Variants in FAM135A observed in about 807,000 individuals in gnomAD.
FAM135A encodes protein FAM135A.
A neutral mutation model predicts 146.8 loss-of-function variants in FAM135A; 79 were observed. That is an observed-to-expected ratio of 0.54 (90% CI 0.45 to 0.65). The LOEUF is 0.65. FAM135A is among the 30% of genes least tolerant of loss of function. The pLI, the probability that FAM135A is intolerant of heterozygous loss-of-function variation, is 0.00. For missense variants in FAM135A, 1,623 were observed against 1,758.2 expected, an observed-to-expected ratio of 0.92 and a Z score of 1.38; for synonymous variants, 562 against 603.6, an observed-to-expected ratio of 0.93 and a Z score of 1.01.
At chr6:70,511,153 C>T (rs538115815) in intron 12 of FAM135A, among the ~76,000 whole-genome samples, 16 of 151,932 alleles carry the variant, frequency 1.1e-4, no homozygotes, top group African/African-American at 3.4e-4. Context: ...TGTTGAGTTT[C>T]AGTTATTTAT....
intron 16 of FAM135A, 24 bp downstream of exon 16, chr6:70,528,476 C>T (rs1388252181): frequency 6.6e-6 from 10 of 1,508,830 alleles, no homozygotes; most frequent in Admixed American, 2.3e-5. Context: ...ATGGATGTAA[C>T]CCAGAGCAAC....
Position 70,490,977 on chromosome 6 carries a change from T to A in FAM135A, c.824-57T>A, listed in dbSNP as rs542830982. The A allele has an allele frequency of 1.1e-4, 142 of 1,270,158 alleles. 1 individual carries two copies. The Middle Eastern group carries it at 1.3e-3, about 12-fold the overall frequency. The allele number at this position is 1,270,158 out of a possible 1,614,324, so 78.7% of individuals were successfully genotyped here. On this transcript the variant is annotated intron_variant, in intron 10 of 21. Transcript: ENST00000418814. ...TTTCAGTTTTTTATGGGAATTTTATTTATATAAATTAAATATCTAACATTG... is the reference window on the plus strand; with the variant it reads ...TTTCAGTTTTTTATGGGAATTTTATATATATAAATTAAATATCTAACATTG...
chr6:70,550,229 A>T (rs1001860127), intron 20 of FAM135A, among the ~76,000 whole-genome samples: 4 of 152,190 alleles, frequency 2.6e-5, no homozygotes, highest in African/African-American at 9.6e-5. Flanking sequence ...ACCTCCTCCC[A>T]TGAATCATGA....
intron 10 of FAM135A, among the ~76,000 whole-genome samples, chr6:70,485,654 C>G (rs887941466): frequency 6.6e-6 from 1 of 152,210 alleles, no homozygotes; most frequent in Non-Finnish European, 1.5e-5. Flanking sequence ...CTTGACTATG[C>G]TTTGAAAACT....
At position 70,431,823 on chromosome 6, in the gene FAM135A, A is replaced by T. The variant is rs142930842; in HGVS notation, c.77+3404A>T. On this transcript the variant is annotated intron_variant, in intron 4 of 21. Transcript: ENST00000418814. The stretch of plus-strand genomic sequence containing the variant: ...TTGCTTGCTTAAGTTGTATTCATGA[A>T]AAAAATGATTATTTGGAAACCATTA... 3.0e-3 allele frequency among the ~76,000 whole-genome samples: 458 copies of T among 152,296 alleles called. 3 individuals are homozygous for T. The highest frequency in any genetic ancestry group is 0.011 in the African/African-American group (437 of 41,568).
intron 4 of FAM135A, among the ~76,000 whole-genome samples, chr6:70,429,425 A>G (rs998759463): frequency 6.6e-6 from 1 of 152,086 alleles, no homozygotes; most frequent in African/African-American, 2.4e-5. Context: ...AGGCAGGAGA[A>G]TCGCTTGAAT....
chr6:70,469,877 T>C (rs981765177), intron 5 of FAM135A, among the ~76,000 whole-genome samples: 2 of 151,596 alleles, frequency 1.3e-5, no homozygotes, highest in African/African-American at 4.8e-5. Flanking sequence ...AAATAAAAAA[T>C]AAATTAGCTT....
intron 12 of FAM135A, among the ~76,000 whole-genome samples, chr6:70,510,119 A>C (rs1790655434): frequency 6.6e-6 from 1 of 152,070 alleles, no homozygotes; most frequent in Non-Finnish European, 1.5e-5. Flanking sequence ...TAGAACACTA[A>C]GTATGCTGCC....
At chr6:70,431,985 A>T (rs1168916288) in intron 4 of FAM135A, among the ~76,000 whole-genome samples, 1 of 152,062 alleles carries the variant, frequency 6.6e-6, no homozygotes, top group African/African-American at 2.4e-5. Flanking sequence ...TTCCAAGTAA[A>T]ACAGTGTTAC....
intron 5 of FAM135A, among the ~76,000 whole-genome samples, chr6:70,455,995 G>A (rs1778292973): frequency 6.6e-6 from 1 of 152,126 alleles, no homozygotes; most frequent in African/African-American, 2.4e-5. Flanking sequence ...GGGACTACAG[G>A]CGTGCATCAC....
At chr6:70,513,345 T>C (rs1791462178) in intron 12 of FAM135A, 1 of 151,550 alleles carries the variant, frequency 6.6e-6, no homozygotes, top group Non-Finnish European at 1.5e-5. Flanking sequence ...TGGTTTTTAT[T>C]GGAAAACCTT....
At chr6:70,538,819 T>G (rs1172021831) in intron 20 of FAM135A, among the ~76,000 whole-genome samples, 1 of 138,880 alleles carries the variant, frequency 7.2e-6, no homozygotes, top group Admixed American at 7.1e-5. Context: ...TATTATATTA[T>G]ATTATATTAT....
chr6:70,418,056 A>G (rs1204347264), intron 2 of FAM135A, among the ~76,000 whole-genome samples: 5 of 152,200 alleles, frequency 3.3e-5, no homozygotes. Context: ...TTCATGCAAT[A>G]TGGCATATGG....
intron 4 of FAM135A, among the ~76,000 whole-genome samples, chr6:70,440,066 G>A (rs1582114215): frequency 1.3e-5 from 2 of 152,080 alleles, no homozygotes; most frequent in African/African-American, 4.8e-5. Context: ...TTAATTATTT[G>A]TTTGAATCAA....
chr6:70,533,619 T>C (rs955015954), intron 17 of FAM135A, 138 bp from the exon 18 acceptor site: 1 of 598,072 alleles, frequency 1.7e-6, no homozygotes, highest in Non-Finnish European at 2.8e-6. Flanking sequence ...ATAAAAAAAT[T>C]ACACTCACTA....
chr6:70,414,082 T>G (rs771776182), intron 1 of FAM135A: 551 of 980,382 alleles, frequency 5.6e-4, no homozygotes, highest in Non-Finnish European at 6.1e-4. Flanking sequence ...TGGTTCTGCT[T>G]TTTCATCCCG....
intron 20 of FAM135A, among the ~76,000 whole-genome samples, chr6:70,550,863 T>A (rs539868281): frequency 6.6e-6 from 1 of 152,248 alleles, no homozygotes; most frequent in Non-Finnish European, 1.5e-5. Context: ...TCTTGTCATA[T>A]ACCTTAGCTA....
intron 4 of FAM135A, among the ~76,000 whole-genome samples, chr6:70,440,675 C>T (rs1562422749): frequency 6.6e-6 from 1 of 152,110 alleles, no homozygotes. Flanking sequence ...GCAATAAGAG[C>T]TTTTTTGTAC....
Position 70,477,218 on chromosome 6 carries a change from G to A in FAM135A, c.428G>A (p.Ser143Asn). 6.2e-7 allele frequency: 1 copy of A among 1,613,532 alleles called. No homozygotes were observed. Among genetic ancestry groups the A allele is most frequent in the Non-Finnish European group, 8.5e-7 (1 of 1,179,714 alleles). Residue 143 changes from serine (S) to asparagine (N), a missense_variant, in exon 8 of 22, where the codon AGC (serine) becomes AAC (asparagine). Ser to Asn is a conservative substitution (Grantham distance 46). Around this residue, in one of 7 missense-constraint regions of FAM135A, gnomAD observed 171 missense variants for 164.9 expected, o/e 1.04. Coordinates refer to ENST00000418814, the MANE Select transcript of FAM135A (RefSeq NM_001162529.3). ...AGCCGAACATTGAAGCTGCACTTTA[G>A]CCCCCATAGAGGCCTTCATCATCAT... ...ISSRTLKLHF[S>N]PHRGLHHHVN...
Sources: allele counts gnomAD v4.1 joint callset (sites outside exome capture counted in the v4.1 genomes callset), GRCh38; gene constraint gnomAD v4.1.1; regional missense constraint gnomAD v4.1.1; transcripts MANE v1.5; gene names NCBI Gene and HGNC (gene_info 2026-07-23, HGNC 2026-07-21).